PKD2L1: variants seen among roughly 807,000 people sequenced by gnomAD.
PKD2L1 encodes the protein polycystin-2-like protein 1.
A neutral mutation model predicts 93.0 loss-of-function variants in PKD2L1; 77 were observed. The ratio of observed to expected loss-of-function variants is 0.83; its 90% confidence interval spans 0.69 to 1.00. The LOEUF (loss-of-function observed/expected upper bound fraction) is 1.00, where lower values mean the gene tolerates loss of function less well. PKD2L1 is among the 50% of genes least tolerant of loss of function. The probability of loss-of-function intolerance (pLI) is 0.00; values close to 1 mark genes in which losing one functional copy is unlikely to be tolerated. For missense variants in PKD2L1, 977 were observed against 990.9 expected, an observed-to-expected ratio of 0.99 and a Z score of 0.19; for synonymous variants, 390 against 388.0, an observed-to-expected ratio of 1.01 and a Z score of -0.06.
chr10:100,311,209 C>T (rs1295717961), intron 2 of PKD2L1, among the ~76,000 whole-genome samples: 1 of 152,216 alleles, frequency 6.6e-6, no homozygotes, highest in Admixed American at 6.5e-5. Flanking sequence ...GCTTTGGCCA[C>T]TAGGAACCTC....
At chr10:100,298,900 C>A (rs1222011340) in intron 3 of PKD2L1, 85 bp from the exon 4 acceptor site, 1 of 1,263,896 alleles carries the variant, frequency 7.9e-7, no homozygotes, top group Non-Finnish European at 1.1e-6. Flanking sequence ...TCCTCTGACT[C>A]CCCAGCTTGT....
Position 100,297,035 on chromosome 10 carries a change from T to G in PKD2L1, c.1130A>C (p.His377Pro). 2 of 1,614,044 alleles carry G rather than the reference T, an allele frequency of 1.2e-6. No homozygotes were observed. Among genetic ancestry groups the G allele is most frequent in the Non-Finnish European group, 1.7e-6 (2 of 1,179,972 alleles). The change falls in exon 6 of 16, where the codon CAC becomes CCC. Residue 377 changes from histidine to proline, a missense_variant. Transcript: ENST00000318222. ...GATGCTGCTGAGGTAGCGAAGCCGG[T>G]GAATGTGGAGCTCCAGGATCTCTTC... ...VVEEILELHIHRLRYLSSIWN... is the reference protein window; with the variant it reads ...VVEEILELHIPRLRYLSSIWN...
At chr10:100,314,674 C>T (rs574330059) in intron 2 of PKD2L1, among the ~76,000 whole-genome samples, 1 of 152,168 alleles carries the variant, frequency 6.6e-6, no homozygotes, top group South Asian at 2.1e-4. Flanking sequence ...CTTTACACAT[C>T]CTTCTAGTGT....
chr10:100,317,308 G>T (rs7072946), intron 2 of PKD2L1, among the ~76,000 whole-genome samples: 115,043 of 150,456 alleles, frequency 0.76, 44,444 homozygotes, highest in Non-Finnish European at 0.84. Context: ...GGGAGGCCAA[G>T]GCAGGAGGAT....
chr10:100,298,824 C>T lies in PKD2L1; in HGVS notation c.478-9G>A, dbSNP rs373487532. ...AGTGGGCCCTGGGCAAACTGAACCA[C>T]AAGCTGGCTTGAACCTTACCCAGCC... is the stretch of plus-strand genomic sequence containing the variant. On this transcript the variant is annotated splice_polypyrimidine_tract_variant and intron_variant, in intron 3 of 15. Transcript: ENST00000318222. The T allele has an allele frequency of 4.2e-5, 68 of 1,607,908 alleles. No homozygotes were observed. In the Admixed American group the frequency reaches 1.1e-3, roughly 25 times the overall value.
At chr10:100,315,987 C>T (rs2042921319) in intron 2 of PKD2L1, among the ~76,000 whole-genome samples, 1 of 152,188 alleles carries the variant, frequency 6.6e-6, no homozygotes, top group Admixed American at 6.5e-5. Flanking sequence ...TGGGCTTCCC[C>T]AGACACGAAT....
intron 2 of PKD2L1, among the ~76,000 whole-genome samples, chr10:100,309,296 C>CT (rs1848877564): frequency 6.6e-6 from 1 of 152,078 alleles, no homozygotes; most frequent in African/African-American, 2.4e-5. Context: ...GAAAAACTGA[C>CT]TTTTTAAAAA....
chr10:100,308,043 G>A (rs905361944), intron 2 of PKD2L1, among the ~76,000 whole-genome samples: 2 of 152,150 alleles, frequency 1.3e-5, no homozygotes, highest in African/African-American at 2.4e-5. Context: ...ATAACTACAT[G>A]AGAATGTGCG....
At chr10:100,292,894 G>A in intron 11 of PKD2L1, 54 bp downstream of exon 11, 1 of 1,566,614 alleles carries the variant, frequency 6.4e-7, no homozygotes, top group South Asian at 1.2e-5. Flanking sequence ...TATGGTTGAG[G>A]GTTGAGGACT....
chr10:100,330,193 G>C lies in PKD2L1; in HGVS notation c.-90C>G. 1 of 777,374 alleles carries C rather than the reference G, an allele frequency of 1.3e-6. No individual in the cohort carries two copies. Among genetic ancestry groups the C allele is most frequent in the Non-Finnish European group, 2.1e-6 (1 of 484,990 alleles). The allele number at this position is 777,374 out of a possible 1,614,324, so 48.2% of individuals were successfully genotyped here. On this transcript the variant is annotated 5_prime_UTR_variant, in exon 1 of 16. Transcript: ENST00000318222. ...GAGGCACAGCCCAGCCTAGCCAGCAGAGAGCAAATGGAAAGGCGTCTGAGA... is the reference window on the plus strand; with the variant it reads ...GAGGCACAGCCCAGCCTAGCCAGCACAGAGCAAATGGAAAGGCGTCTGAGA...
Position 100,290,445 on chromosome 10 carries a change from C to T in PKD2L1, c.2082G>A (p.Glu694=), listed in dbSNP as rs897953928. The T allele has an allele frequency of 3.7e-6, 6 of 1,613,636 alleles. No individual in the cohort carries two copies. In the Admixed American group the frequency reaches 8.3e-5, roughly 22 times the overall value. Residue 694 remains glutamate (E), a synonymous_variant, in exon 13 of 16, where the codon GAG becomes GAA. Transcript: ENST00000318222. The stretch of plus-strand genomic sequence containing the variant: ...AAACCCAGCCTCCTGCTCTGGCAGC[C>T]TCTGGACCCGATTTGCCTTGTGGGC... ...VSSPQGKSGP[E]AARAGGWVSG...
At chr10:100,290,226 G>C (rs1848375791) in intron 13 of PKD2L1, 88 bp from the exon 14 acceptor site, 2 of 1,542,102 alleles carry the variant, frequency 1.3e-6, no homozygotes, top group East Asian at 4.5e-5. Flanking sequence ...AGAAGGGCAT[G>C]TGTCCTGAAT....
chr10:100,325,374 G>A (rs778658773), intron 2 of PKD2L1, among the ~76,000 whole-genome samples: 1 of 152,168 alleles, frequency 6.6e-6, no homozygotes, highest in South Asian at 2.1e-4. Flanking sequence ...GGAGAGCACC[G>A]AAGTGGCCCT....
At chr10:100,294,748 C>A in intron 8 of PKD2L1, 93 bp from the exon 9 acceptor site, 3 of 1,543,348 alleles carry the variant, frequency 1.9e-6, no homozygotes, top group Non-Finnish European at 1.8e-6. Context: ...CACACGTTCA[C>A]CCCAATCTGA....
rs1169426453 is a variant in PKD2L1 at position 100,315,114 on chromosome 10, G to A, written c.349+14097C>T. On this transcript the variant is annotated intron_variant, in intron 2 of 15. Transcript: ENST00000318222. ...GGGAAGGGAAGGGAAGGGAAGGGAA[G>A]GGAAGAGAAAACAGTTGAAATGATT... Among the ~76,000 whole-genome samples the A allele has an allele frequency of 1.4e-5, 2 of 140,958 alleles. 1 individual carries two copies. The highest frequency in any genetic ancestry group is 5.6e-5 in the African/African-American group (2 of 35,886). The allele number at this position is 140,958 out of a possible 152,430, so 92.5% of individuals were successfully genotyped here.
intron 2 of PKD2L1, among the ~76,000 whole-genome samples, chr10:100,314,999 GAAGGAAGGAA>G (rs1358691658): frequency 8.4e-5 from 1 of 11,900 alleles, no homozygotes; most frequent in Non-Finnish European, 1.3e-4. Context: ...AGGAAGGAAG[GAAGGAAGGAA>G]GGAAGGGAAG....
At chr10:100,320,306 A>G (rs1367845107) in intron 2 of PKD2L1, among the ~76,000 whole-genome samples, 1 of 152,256 alleles carries the variant, frequency 6.6e-6, no homozygotes, top group African/African-American at 2.4e-5. Flanking sequence ...TATTGCCTGC[A>G]TGAAAAAGAT....
intron 2 of PKD2L1, among the ~76,000 whole-genome samples, chr10:100,319,824 A>G (rs775124529): frequency 1.3e-5 from 2 of 152,242 alleles, no homozygotes; most frequent in East Asian, 1.9e-4. Context: ...AGCCTCTCCT[A>G]TACAGGGCTA....
chr10:100,290,241 C>A, intron 13 of PKD2L1, 103 bp from the exon 14 acceptor site: 1 of 1,482,190 alleles, frequency 6.7e-7, no homozygotes. Flanking sequence ...CTGAATGGAA[C>A]AAGGAAGGGA....
Sources: gnomAD v4.1 joint callset for allele counts (sites outside exome capture counted in the v4.1 genomes callset) on GRCh38, gnomAD v4.1.1 for gene constraint, MANE v1.5 for transcripts, NCBI Gene and HGNC (gene_info 2026-07-23, HGNC 2026-07-21) for gene names.